Variants in MAGI1 observed in about 807,000 individuals in gnomAD.
MAGI1 encodes membrane-associated guanylate kinase, WW and PDZ domain-containing protein 1.
A neutral mutation model predicts 139.9 loss-of-function variants in MAGI1; 58 were observed. The ratio of observed to expected loss-of-function variants is 0.41; its 90% CI spans 0.34 to 0.52. MAGI1 has a LOEUF of 0.52. Among genes scored for constraint, MAGI1 ranks in the 20% least tolerant of loss-of-function variants. The pLI is 0.12. For missense variants in MAGI1, 1,874 were observed against 1,901.6 expected (o/e 0.99, Z 0.27); for synonymous variants, 812 against 737.9 (o/e 1.10, Z -1.63).
chr3:65,526,006 T>TA (rs1422406291), intron 2 of MAGI1, among the ~76,000 whole-genome samples: 1 of 152,200 alleles, frequency 6.6e-6, no homozygotes, highest in East Asian at 1.9e-4. Flanking sequence ...AAAGGCTTCC[T>TA]AATCTTTGCA....
At position 65,566,355 on chromosome 3, in the gene MAGI1, G is replaced by A. The variant is rs1173387894; in HGVS notation, c.430+55617C>T. ...ATTATCTATGTACTCAGAAAGGCAT[G>A]AAGGCTGTTAACATCAGAACATTAA... On this transcript the variant is annotated intron_variant, in intron 2 of 22. Transcript: ENST00000402939. 2.6e-5 allele frequency among the ~76,000 whole-genome samples: 4 copies of A among 152,230 alleles called. No individual in the cohort carries two copies. In the East Asian group the frequency reaches 7.7e-4, roughly 29 times the overall value.
intron 1 of MAGI1, among the ~76,000 whole-genome samples, chr3:65,814,029 G>A (rs1277251694): frequency 6.6e-6 from 1 of 151,900 alleles, no homozygotes; most frequent in Non-Finnish European, 1.5e-5. Context: ...ACACAAAATG[G>A]TTAGATGCTA....
At chr3:65,762,127 T>C (rs1559857935) in intron 1 of MAGI1, among the ~76,000 whole-genome samples, 1 of 152,090 alleles carries the variant, frequency 6.6e-6, no homozygotes, top group African/African-American at 2.4e-5. Flanking sequence ...AATGGCTGCA[T>C]TTCACTAGGT....
chr3:65,933,833 A>G (rs2062918994), intron 1 of MAGI1, among the ~76,000 whole-genome samples: 1 of 152,208 alleles, frequency 6.6e-6, no homozygotes. Flanking sequence ...TTATAAACAT[A>G]TCCCCATTCC....
rs1559642689 is a variant in MAGI1 at position 65,530,744 on chromosome 3, C to CGTAT, written c.431-37114_431-37113insATAC. The stretch of plus-strand genomic sequence containing the variant: ...ATATACACACGTATATATATATGCA[C>CGTAT]ATATATATACACGTATATATATATA... On this transcript the variant is annotated intron_variant, in intron 2 of 22. Transcript: ENST00000402939. Among the ~76,000 whole-genome samples, 152 of 76,432 alleles carry CGTAT rather than the reference C, an allele frequency of 2.0e-3. 10 individuals are homozygous for CGTAT. Among genetic ancestry groups the CGTAT allele is most frequent in the African/African-American group, 6.8e-3 (143 of 21,048 alleles). 50.1% of individuals were successfully genotyped at this position (76,432 alleles called of 152,430 possible).
In MAGI1 at chr3:66,038,411, C is replaced by T. The variant is rs530864567; in HGVS notation, c.-103G>A. ...TTGTTCATGGGAGAAACATCTCTCC[C>T]CAAATCACAAAACAGGAGAGAGAAA... is the stretch of plus-strand genomic sequence containing the variant. On this transcript the variant is annotated 5_prime_UTR_variant, in exon 1 of 23. Transcript: ENST00000402939. The T allele has an allele frequency of 1.2e-4, 174 of 1,443,138 alleles. 2 individuals are homozygous for T. The East Asian group carries it at 2.9e-3, about 24-fold the overall frequency. 89.4% of individuals were successfully genotyped at this position (1,443,138 alleles called of 1,614,324 possible). A position where few individuals can be genotyped will look rare whatever the true frequency, so the allele number is the denominator to read the frequency against.
intron 18 of MAGI1, among the ~76,000 whole-genome samples, chr3:65,372,453 T>C (rs914672439): frequency 2.0e-5 from 3 of 152,178 alleles, no homozygotes; most frequent in African/African-American, 7.2e-5. Flanking sequence ...GCAGAGTACA[T>C]TTAGCATCAT....
intron 2 of MAGI1, among the ~76,000 whole-genome samples, chr3:65,605,180 T>G (rs764552036): frequency 1.1e-4 from 17 of 152,354 alleles, no homozygotes; most frequent in Non-Finnish European, 2.2e-4. Context: ...ATAAATGACC[T>G]GTTTTACAAG....
At chr3:65,757,635 C>T (rs2036670485) in intron 1 of MAGI1, among the ~76,000 whole-genome samples, 3 of 152,158 alleles carry the variant, frequency 2.0e-5, no homozygotes, top group Admixed American at 1.3e-4. Context: ...CAGACTTCAT[C>T]TCAATAAATT....
intron 1 of MAGI1, among the ~76,000 whole-genome samples, chr3:65,683,603 G>A (rs942464443): frequency 6.6e-6 from 1 of 151,108 alleles, no homozygotes; most frequent in African/African-American, 2.4e-5. Flanking sequence ...TGAAAACACA[G>A]ATAATCCAAT....
At chr3:65,358,565 T>C (rs951839507) in intron 22 of MAGI1, among the ~76,000 whole-genome samples, 4 of 152,192 alleles carry the variant, frequency 2.6e-5, no homozygotes, top group Admixed American at 2.6e-4. Flanking sequence ...GTTACAGCTA[T>C]TCAGCTCTGC....
intron 1 of MAGI1, among the ~76,000 whole-genome samples, chr3:65,797,394 G>A (rs1445434244): frequency 6.6e-6 from 1 of 152,166 alleles, no homozygotes; most frequent in East Asian, 1.9e-4. Flanking sequence ...GGCAACTGCT[G>A]CTTCTGATTA....
At chr3:65,562,391 C>T (rs1314613837) in intron 2 of MAGI1, among the ~76,000 whole-genome samples, 1 of 152,198 alleles carries the variant, frequency 6.6e-6, no homozygotes, top group Non-Finnish European at 1.5e-5. Flanking sequence ...AAATGTAGAA[C>T]ACTATGCATC....
intron 1 of MAGI1, among the ~76,000 whole-genome samples, chr3:65,932,831 GATA>G (rs1001517827): frequency 1.3e-5 from 2 of 152,210 alleles, no homozygotes; most frequent in African/African-American, 4.8e-5. Context: ...GCCGTCTCTA[GATA>G]ATAAATTATC....
At chr3:65,627,395 A>C (rs2084027120) in intron 1 of MAGI1, among the ~76,000 whole-genome samples, 1 of 150,420 alleles carries the variant, frequency 6.6e-6, no homozygotes, top group African/African-American at 2.4e-5. Flanking sequence ...AAAGGGGTTC[A>C]GAGTTTATTC....
intron 2 of MAGI1, among the ~76,000 whole-genome samples, chr3:65,508,361 G>A (rs938155717): frequency 1.2e-4 from 18 of 151,758 alleles, no homozygotes; most frequent in South Asian, 4.2e-4. Context: ...CCGAGATTGC[G>A]CCACTGCACT....
At chr3:65,531,936 T>C (rs901845882) in intron 2 of MAGI1, among the ~76,000 whole-genome samples, 11 of 152,164 alleles carry the variant, frequency 7.2e-5, no homozygotes, top group African/African-American at 2.7e-4. Flanking sequence ...CTATTATTAT[T>C]TTCCCTTAGC....
At chr3:65,794,512 G>A (rs1230634992) in intron 1 of MAGI1, among the ~76,000 whole-genome samples, 3 of 152,080 alleles carry the variant, frequency 2.0e-5, no homozygotes, top group Non-Finnish European at 4.4e-5. Context: ...TCATTCTGCA[G>A]GACAGTGAGG....
At chr3:65,379,187 G>A in intron 17 of MAGI1, 74 bp downstream of exon 17, 1 of 1,599,752 alleles carries the variant, frequency 6.3e-7, no homozygotes, top group Non-Finnish European at 8.5e-7. Context: ...GTCTGAGTCA[G>A]CTTTCACTCG....
Sources: gnomAD v4.1 joint callset for allele counts (sites outside exome capture counted in the v4.1 genomes callset) on GRCh38, gnomAD v4.1.1 for gene constraint, MANE v1.5 for transcripts, NCBI Gene and HGNC (gene_info 2026-07-23, HGNC 2026-07-21) for gene names.